Variants in CDH13 observed in about 807,000 individuals in gnomAD.
CDH13 encodes the protein cadherin-13.
Under a neutral mutation model 63.8 loss-of-function variants are expected in CDH13, and 24 were observed. That is an observed-to-expected ratio of 0.38 (90% CI 0.27 to 0.53). The LOEUF is 0.53. Ranked by LOEUF, CDH13 falls within the 20% of genes least tolerant of loss-of-function variation. The probability of loss-of-function intolerance (pLI) is 0.85; values close to 1 mark genes in which losing one functional copy is unlikely to be tolerated. For missense variants in CDH13, 1,049 were observed against 903.1 expected (o/e 1.16, Z -2.07); for synonymous variants, 503 against 355.3 (o/e 1.42, Z -4.67).
intron 8 of CDH13, among the ~76,000 whole-genome samples, chr16:83,663,898 G>A (rs935880860): frequency 3.9e-5 from 6 of 151,988 alleles, no homozygotes; most frequent in African/African-American, 1.5e-4. Context: ...AGTGGCTCAT[G>A]CCTGTAATGC....
intron 1 of CDH13, chr16:82,689,018 C>T (rs75587322): frequency 6.6e-6 from 1 of 152,308 alleles, no homozygotes; most frequent in African/African-American, 2.4e-5. Context: ...AATGGTATGC[C>T]TCCATTTAAG....
intron 4 of CDH13, among the ~76,000 whole-genome samples, chr16:83,196,904 G>T (rs974194837): frequency 6.6e-6 from 1 of 152,098 alleles, no homozygotes; most frequent in Non-Finnish European, 1.5e-5. Flanking sequence ...AACTAGACAC[G>T]CACTTACCAT....
chr16:82,647,878 C>T (rs1241264868), intron 1 of CDH13, among the ~76,000 whole-genome samples: 2 of 152,192 alleles, frequency 1.3e-5, no homozygotes, highest in Non-Finnish European at 2.9e-5. Context: ...TGAATTATAG[C>T]TCCCATAGTC....
Position 82,838,001 on chromosome 16 carries a change from C to A in CDH13, c.46-20361C>A, listed in dbSNP as rs375463099. On this transcript the variant is annotated intron_variant, in intron 1 of 13. Transcript: ENST00000567109. ...TGCCCAGGACTAGAGGTCATAAGGC[C>A]CCTACTAACTCTCTGGCTTCATCCC... Among the ~76,000 whole-genome samples, 12 of 152,222 alleles carry A rather than the reference C, an allele frequency of 7.9e-5. No homozygotes were observed. In the East Asian group the frequency reaches 1.5e-3, roughly 20 times the overall value.
chr16:83,357,793 C>T (rs199789601), intron 6 of CDH13, among the ~76,000 whole-genome samples: 2 of 152,280 alleles, frequency 1.3e-5, no homozygotes, highest in South Asian at 2.1e-4. Context: ...GTAAAGTTGG[C>T]AGGAGAGATG....
At chr16:82,666,586 A>G (rs1228839622) in intron 1 of CDH13, among the ~76,000 whole-genome samples, 2 of 152,252 alleles carry the variant, frequency 1.3e-5, no homozygotes, top group African/African-American at 4.8e-5. Context: ...GATGTCTGAC[A>G]TAACAACAAC....
At chr16:83,550,682 C>T (rs1483620345) in intron 7 of CDH13, among the ~76,000 whole-genome samples, 1 of 152,122 alleles carries the variant, frequency 6.6e-6, no homozygotes, top group South Asian at 2.1e-4. Flanking sequence ...ATGGAAAGTT[C>T]CATGAGGCCA....
At chr16:83,022,208 TG>T (rs1355301850) in intron 2 of CDH13, among the ~76,000 whole-genome samples, 3 of 152,222 alleles carry the variant, frequency 2.0e-5, no homozygotes, top group Non-Finnish European at 4.4e-5. Flanking sequence ...CTACTTTAGT[TG>T]TCAGAAAGAC....
At chr16:83,310,291 G>T (rs566164078) in intron 5 of CDH13, among the ~76,000 whole-genome samples, 1 of 152,330 alleles carries the variant, frequency 6.6e-6, no homozygotes, top group East Asian at 1.9e-4. Flanking sequence ...AGCAGTCTAA[G>T]ATACGGAGTA....
intron 7 of CDH13, among the ~76,000 whole-genome samples, chr16:83,524,058 T>A (rs1477257956): frequency 6.6e-6 from 1 of 152,216 alleles, no homozygotes; most frequent in East Asian, 1.9e-4. Flanking sequence ...AGATGAGCTT[T>A]ATTTCAGTTG....
At chr16:83,791,098 G>A (rs1407754769) in intron 13 of CDH13, among the ~76,000 whole-genome samples, 2 of 151,674 alleles carry the variant, frequency 1.3e-5, no homozygotes, top group Admixed American at 6.6e-5. Flanking sequence ...TGGGTGGATT[G>A]GATAAGGCTG....
intron 2 of CDH13, among the ~76,000 whole-genome samples, chr16:82,982,102 T>G (rs1025981590): frequency 3.3e-5 from 5 of 152,164 alleles, no homozygotes; most frequent in Admixed American, 6.5e-5. Flanking sequence ...GTGTATGATC[T>G]TAGGCAATTT....
chr16:83,048,811 C>G (rs1489673186), intron 3 of CDH13, among the ~76,000 whole-genome samples: 1 of 152,166 alleles, frequency 6.6e-6, no homozygotes, highest in Non-Finnish European at 1.5e-5. Flanking sequence ...CCTCCCCCAG[C>G]CTCCAAACGT....
chr16:83,271,180 T>A (rs1171655816), intron 5 of CDH13, among the ~76,000 whole-genome samples: 1 of 151,874 alleles, frequency 6.6e-6, no homozygotes, highest in Non-Finnish European at 1.5e-5. Context: ...CTATGCCCTA[T>A]CCCCAGAAGC....
chr16:82,961,659 C>T (rs1301391941), intron 2 of CDH13, among the ~76,000 whole-genome samples: 3 of 151,370 alleles, frequency 2.0e-5, no homozygotes, highest in Non-Finnish European at 4.4e-5. Flanking sequence ...GGACTTTGCT[C>T]TCAGTATTTT....
intron 1 of CDH13, among the ~76,000 whole-genome samples, chr16:82,700,765 T>C (rs942541530): frequency 6.6e-6 from 1 of 152,156 alleles, no homozygotes; most frequent in Non-Finnish European, 1.5e-5. Context: ...ATTATGTTCC[T>C]GACAGGATGC....
intron 3 of CDH13, among the ~76,000 whole-genome samples, chr16:83,041,384 A>T (rs1917317367): frequency 6.6e-6 from 1 of 152,096 alleles, no homozygotes; most frequent in African/African-American, 2.4e-5. Flanking sequence ...AAGAATCAGG[A>T]TGGAAATGGT....
At chr16:83,179,811 A>C (rs2038276321) in intron 4 of CDH13, among the ~76,000 whole-genome samples, 1 of 152,146 alleles carries the variant, frequency 6.6e-6, no homozygotes, top group South Asian at 2.1e-4. Context: ...CAAATGACTT[A>C]TATTTTCCAC....
At chr16:83,646,781 C>A (rs1186391725) in intron 8 of CDH13, among the ~76,000 whole-genome samples, 1 of 150,326 alleles carries the variant, frequency 6.7e-6, no homozygotes, top group African/African-American at 2.4e-5. Flanking sequence ...TCAATTCTAC[C>A]AAATTCCCAT....
Sources: gnomAD v4.1 joint callset for allele counts (sites outside exome capture counted in the v4.1 genomes callset) on GRCh38, gnomAD v4.1.1 for gene constraint, MANE v1.5 for transcripts, NCBI Gene and HGNC (gene_info 2026-07-23, HGNC 2026-07-21) for gene names.